The following VTI1A variants were observed in gnomAD, a reference collection of about 807,000 sequenced individuals.
VTI1A encodes vesicle transport through interaction with t-SNAREs 1A.
Under a neutral mutation model 34.9 loss-of-function variants are expected in VTI1A, and 22 were observed. The ratio of observed to expected loss-of-function variants is 0.63; its 90% CI spans 0.45 to 0.90. The LOEUF (loss-of-function observed/expected upper bound fraction) is 0.90. Among genes scored for constraint, VTI1A ranks in the 40% least tolerant of loss-of-function variants. The pLI, the probability that VTI1A is intolerant of heterozygous loss-of-function variation, is 0.00. For missense variants in VTI1A, 268 were observed against 275.6 expected, an observed-to-expected ratio of 0.97 and a Z score of 0.20; for synonymous variants, 87 against 97.3, an observed-to-expected ratio of 0.89 and a Z score of 0.62.
At chr10:112,668,009 C>T (rs558252231) in intron 5 of VTI1A, among the ~76,000 whole-genome samples, 1 of 152,200 alleles carries the variant, frequency 6.6e-6, no homozygotes, top group South Asian at 2.1e-4. Context: ...TGGTTATGTT[C>T]TATAGGTCAA....
At chr10:112,519,153 G>A (rs565876710) in intron 3 of VTI1A, among the ~76,000 whole-genome samples, 1 of 152,124 alleles carries the variant, frequency 6.6e-6, no homozygotes, top group South Asian at 2.1e-4. Context: ...CAGGAAAATA[G>A]GTTATAAAAA....
intron 5 of VTI1A, among the ~76,000 whole-genome samples, chr10:112,545,201 A>G (rs1414990845): frequency 2.0e-5 from 3 of 152,242 alleles, no homozygotes; most frequent in Admixed American, 6.5e-5. Context: ...TTTATCATTA[A>G]TTCTTTAACA....
At position 112,741,696 on chromosome 10, in the gene VTI1A, A is replaced by G. The variant is rs145048034; in HGVS notation, c.560+72698A>G. ...ATTTGAAGGTGAGTTTTTAAAAATT[A>G]TACTTAAAATTAGGATATCTTCAAA... On this transcript the variant is annotated intron_variant, in intron 7 of 7. Transcript: ENST00000393077. Among the ~76,000 whole-genome samples, 601 of 152,356 alleles carry G rather than the reference A, an allele frequency of 3.9e-3. 4 individuals carry two copies. Among genetic ancestry groups the G allele is most frequent in the African/African-American group, 0.013 (556 of 41,584 alleles).
chr10:112,813,818 G>A (rs1391043623), intron 7 of VTI1A, among the ~76,000 whole-genome samples: 1 of 152,160 alleles, frequency 6.6e-6, no homozygotes, highest in Non-Finnish European at 1.5e-5. Context: ...ACAGATCTTA[G>A]CCAAGCCTTG....
intron 3 of VTI1A, among the ~76,000 whole-genome samples, chr10:112,523,946 T>G (rs1850122458): frequency 6.6e-6 from 1 of 152,136 alleles, no homozygotes; most frequent in African/African-American, 2.4e-5. Flanking sequence ...GTGAAGTTTA[T>G]CAAGATACAG....
chr10:112,505,589 A>G (rs961815578), intron 3 of VTI1A, among the ~76,000 whole-genome samples: 5 of 152,012 alleles, frequency 3.3e-5, no homozygotes, highest in Non-Finnish European at 5.9e-5. Flanking sequence ...TATACTTGAC[A>G]TATATGTGGC....
chr10:112,519,463 A>G (rs193203184), intron 3 of VTI1A, among the ~76,000 whole-genome samples: 5 of 152,272 alleles, frequency 3.3e-5, no homozygotes, highest in Admixed American at 1.3e-4. Context: ...TTGGTGTCCA[A>G]TATTCTAGCT....
intron 7 of VTI1A, among the ~76,000 whole-genome samples, chr10:112,793,203 G>C (rs10787464): frequency 6.6e-6 from 1 of 151,966 alleles, no homozygotes; most frequent in African/African-American, 2.4e-5. Context: ...AGATTAGCTC[G>C]ACATGAGGCA....
In VTI1A at chr10:112,768,261, G is replaced by C. The variant is rs116490814; in HGVS notation, c.561-47029G>C. 5.2e-3 allele frequency among the ~76,000 whole-genome samples: 790 copies of C among 152,326 alleles called. 7 individuals are homozygous for C. Among genetic ancestry groups the C allele is most frequent in the African/African-American group, 0.018 (755 of 41,570 alleles). On this transcript the variant is annotated intron_variant, in intron 7 of 7. Coordinates refer to ENST00000393077, the MANE Select transcript of VTI1A (RefSeq NM_145206.4). Reference sequence around the variant, plus strand: ...TGAGAGACACAAGGCTGACGAGAAAGAGCCTCTGCCACCCTGGAAATGTAA... The same window carrying C: ...TGAGAGACACAAGGCTGACGAGAAACAGCCTCTGCCACCCTGGAAATGTAA...
intron 5 of VTI1A, among the ~76,000 whole-genome samples, chr10:112,621,231 T>C (rs1178005723): frequency 6.6e-6 from 1 of 152,208 alleles, no homozygotes; most frequent in African/African-American, 2.4e-5. Context: ...CATGGCCAAG[T>C]GTCTGTGTGC....
chr10:112,483,104 C>A (rs140598609), intron 3 of VTI1A, among the ~76,000 whole-genome samples: 2 of 152,234 alleles, frequency 1.3e-5, no homozygotes, highest in African/African-American at 4.8e-5. Context: ...GCAACTGTCT[C>A]GGGTGCCAGT....
At chr10:112,830,849 A>ATATATATTTTTTTTTTTTTT in the VTI1A span, among the ~76,000 whole-genome samples, 8 of 33,498 alleles carry the variant, frequency 2.4e-4, no homozygotes, top group East Asian at 4.4e-3. Context: ...ATATATATAT[A>ATATATATTTTTTTTTTTTTT]TTTTTTTTTT....
chr10:112,687,930 C>A (rs1306834645), intron 7 of VTI1A, among the ~76,000 whole-genome samples: 1 of 151,238 alleles, frequency 6.6e-6, no homozygotes, highest in Non-Finnish European at 1.5e-5. Context: ...ATGGAACCAT[C>A]CTGGCCGGTG....
At chr10:112,810,750 C>T (rs543648293) in intron 7 of VTI1A, among the ~76,000 whole-genome samples, 105 of 152,312 alleles carry the variant, frequency 6.9e-4, no homozygotes, top group Non-Finnish European at 1.0e-3. Context: ...GGGAAACGAA[C>T]GCAGCCACTG....
At chr10:112,519,639 C>T (rs1209315284) in intron 3 of VTI1A, among the ~76,000 whole-genome samples, 14 of 151,964 alleles carry the variant, frequency 9.2e-5, no homozygotes, top group Non-Finnish European at 8.8e-5. Flanking sequence ...CCTGTTGTGG[C>T]GGTGTAATAA....
At chr10:112,714,898 C>T (rs1169942796) in intron 7 of VTI1A, among the ~76,000 whole-genome samples, 1 of 152,216 alleles carries the variant, frequency 6.6e-6, no homozygotes, top group African/African-American at 2.4e-5. Context: ...TTTCAATCTT[C>T]CATGATGTGC....
chr10:112,716,136 G>C (rs752372825), intron 7 of VTI1A, among the ~76,000 whole-genome samples: 3 of 152,276 alleles, frequency 2.0e-5, no homozygotes, highest in Middle Eastern at 3.4e-3. Flanking sequence ...ATGAGGATCC[G>C]AGGTGAGGGA....
At chr10:112,669,690 C>T (rs1157548559) in intron 7 of VTI1A, among the ~76,000 whole-genome samples, 1 of 152,076 alleles carries the variant, frequency 6.6e-6, no homozygotes, top group Non-Finnish European at 1.5e-5. Flanking sequence ...CAGTTTGGAA[C>T]TGTGGATAGA....
At chr10:112,573,455 A>G (rs1280140867) in intron 5 of VTI1A, among the ~76,000 whole-genome samples, 1 of 152,212 alleles carries the variant, frequency 6.6e-6, no homozygotes, top group African/African-American at 2.4e-5. Context: ...TTATTATTAG[A>G]CATAAAATGA....
Sources: allele counts gnomAD v4.1 joint callset (sites outside exome capture counted in the v4.1 genomes callset), GRCh38; gene constraint gnomAD v4.1.1; transcripts MANE v1.5; gene names NCBI Gene and HGNC (gene_info 2026-07-23, HGNC 2026-07-21).